The following CCDC91 variants were observed in gnomAD, a reference collection of about 807,000 sequenced individuals.
CCDC91 encodes the protein coiled-coil domain-containing protein 91.
A neutral mutation model predicts 63.2 loss-of-function variants in CCDC91; 48 were observed. The observed-to-expected ratio is 0.76, with a 90% CI of 0.60 to 0.97. The LOEUF is 0.97. Ranked by LOEUF, CCDC91 falls within the 50% of genes least tolerant of loss-of-function variation. The probability of loss-of-function intolerance (pLI) is 0.00; values close to 1 mark genes in which losing one functional copy is unlikely to be tolerated. For missense variants in CCDC91, 500 were observed against 494.6 expected (o/e 1.01, Z -0.10); for synonymous variants, 167 against 165.8 (o/e 1.01, Z -0.06).
intron 8 of CCDC91, among the ~76,000 whole-genome samples, chr12:28,401,425 C>T (rs905301543): frequency 2.6e-5 from 4 of 152,032 alleles, no homozygotes; most frequent in African/African-American, 9.7e-5. Context: ...CCATAAGGTA[C>T]CTCCCACGAC....
intron 8 of CCDC91, among the ~76,000 whole-genome samples, chr12:28,426,790 G>C (rs927203843): frequency 4.6e-5 from 7 of 151,956 alleles, no homozygotes; most frequent in African/African-American, 1.7e-4. Context: ...AAAAATGTTT[G>C]TCATATCCGA....
chr12:28,528,094 GC>G (rs886107414), intron 12 of CCDC91, among the ~76,000 whole-genome samples: 9 of 152,274 alleles, frequency 5.9e-5, no homozygotes, highest in Non-Finnish European at 1.0e-4. Flanking sequence ...CTGGATTCAT[GC>G]CCTCTTCAGA....
Position 28,515,202 on chromosome 12 carries a change from C to T in CCDC91, c.1215+31037C>T, listed in dbSNP as rs568663304. On this transcript the variant is annotated intron_variant, in intron 12 of 12. Coordinates refer to ENST00000536442, the MANE Select transcript of CCDC91 (RefSeq NM_018318.5). ...CAGTGGTTTCTAAGATTGCTGTTTT[C>T]TTATTTCTTATGGGGGACTTCGGCA... is the stretch of plus-strand genomic sequence containing the variant. 3.6e-4 allele frequency among the ~76,000 whole-genome samples: 54 copies of T among 151,792 alleles called. 1 individual carries two copies. Among genetic ancestry groups the T allele is most frequent in the African/African-American group, 1.3e-3 (52 of 41,480 alleles).
chr12:28,379,999 A>T (rs886645495), intron 7 of CCDC91, among the ~76,000 whole-genome samples: 5 of 152,216 alleles, frequency 3.3e-5, no homozygotes, highest in African/African-American at 1.2e-4. Context: ...GCAGCCATAA[A>T]AAAGGATGAG....
intron 10 of CCDC91, 84 bp from the exon 11 acceptor site, chr12:28,452,394 T>C (rs1416561777): frequency 1.2e-5 from 11 of 951,264 alleles, no homozygotes; most frequent in Non-Finnish European, 1.6e-5. Flanking sequence ...CAAAGTTTTT[T>C]ATCTTTTAGG....
intron 12 of CCDC91, among the ~76,000 whole-genome samples, chr12:28,522,537 T>C (rs1940811423): frequency 1.3e-5 from 2 of 152,302 alleles, no homozygotes; most frequent in East Asian, 3.9e-4. Flanking sequence ...CCTGGATGCA[T>C]TGATTTTTTG....
At position 28,304,633 on chromosome 12, in the gene CCDC91, T is replaced by C. The variant is rs1360018591; in HGVS notation, c.110-1016T>C. The C allele has an allele frequency of 4.7e-6, 6 of 1,264,490 alleles. No homozygotes were observed. In the Admixed American group the frequency reaches 1.0e-4, roughly 21 times the overall value. 78.3% of individuals were successfully genotyped at this position (1,264,490 alleles called of 1,614,324 possible). ...ATAAATGTCTTTCTTCAGGGAAACA[T>C]GCAATTTTCATTGTGAGCTGCCTTC... is the stretch of plus-strand genomic sequence containing the variant. On this transcript the variant is annotated intron_variant, in intron 3 of 12. Transcript: ENST00000536442.
At chr12:28,407,953 TA>T (rs1947058067) in intron 8 of CCDC91, among the ~76,000 whole-genome samples, 2 of 112,936 alleles carry the variant, frequency 1.8e-5, no homozygotes, top group South Asian at 6.5e-4. Context: ...GATATATACA[TA>T]TATATATATA....
rs116828690 is a variant in CCDC91 at position 28,532,198 on chromosome 12, C to G, written c.1216-16865C>G. On this transcript the variant is annotated intron_variant, in intron 12 of 12. Coordinates refer to ENST00000536442, the MANE Select transcript of CCDC91 (RefSeq NM_018318.5). ...AGAGCTAAATGAGCAAATGGAATAC[C>G]TTTATGAGATGAAGTAAAAAAGGTG... 2.6e-3 allele frequency among the ~76,000 whole-genome samples: 388 copies of G among 152,026 alleles called. 4 individuals are homozygous for G. The highest frequency in any genetic ancestry group is 8.9e-3 in the African/African-American group (367 of 41,468).
chr12:28,304,888 A>G (rs950213858), intron 3 of CCDC91, among the ~76,000 whole-genome samples: 4 of 152,108 alleles, frequency 2.6e-5, no homozygotes, highest in East Asian at 1.9e-4. Context: ...CTTTTGTCCT[A>G]TGTCATACTT....
chr12:28,339,242 G>A (rs1417855846), intron 6 of CCDC91, among the ~76,000 whole-genome samples: 1 of 152,156 alleles, frequency 6.6e-6, no homozygotes, highest in Non-Finnish European at 1.5e-5. Flanking sequence ...GGTCTGAAGA[G>A]CCTGAAAAAT....
At chr12:28,390,476 G>A (rs1312785482) in intron 7 of CCDC91, among the ~76,000 whole-genome samples, 3 of 152,020 alleles carry the variant, frequency 2.0e-5, no homozygotes, top group Non-Finnish European at 4.4e-5. Context: ...CTGAGAACTT[G>A]TTGATATAAC....
intron 12 of CCDC91, among the ~76,000 whole-genome samples, chr12:28,508,226 G>C (rs1938972234): frequency 6.6e-6 from 1 of 151,828 alleles, no homozygotes; most frequent in South Asian, 2.1e-4. Context: ...TAGTTTCTCT[G>C]GTCTTTTCTG....
intron 1 of CCDC91, among the ~76,000 whole-genome samples, chr12:28,246,771 G>A (rs569951188): frequency 2.6e-5 from 4 of 152,162 alleles, no homozygotes; most frequent in Non-Finnish European, 5.9e-5. Flanking sequence ...GAAAGGATGA[G>A]TGGGGAAATA....
chr12:28,445,627 C>T (rs1349281200), intron 8 of CCDC91, among the ~76,000 whole-genome samples: 1 of 152,184 alleles, frequency 6.6e-6, no homozygotes, highest in Non-Finnish European at 1.5e-5. Flanking sequence ...TCCTCTTGTG[C>T]ACTGTCTCAG....
At chr12:28,373,585 C>G (rs561366219) in intron 7 of CCDC91, among the ~76,000 whole-genome samples, 1 of 150,724 alleles carries the variant, frequency 6.6e-6, no homozygotes, top group East Asian at 2.0e-4. Flanking sequence ...CTCCTCGTAA[C>G]TGACATCTAT....
chr12:28,344,016 A>T (rs1261923032), intron 6 of CCDC91, among the ~76,000 whole-genome samples: 1 of 152,042 alleles, frequency 6.6e-6, no homozygotes, highest in African/African-American at 2.4e-5. Flanking sequence ...GTCACAAATA[A>T]TTTTTTCTGG....
intron 3 of CCDC91, among the ~76,000 whole-genome samples, chr12:28,264,654 A>G (rs1947071858): frequency 7.7e-6 from 1 of 130,506 alleles, no homozygotes; most frequent in Non-Finnish European, 1.6e-5. Context: ...CTCCAATGTA[A>G]ATTCTTTACC....
chr12:28,349,386 A>C (rs1047324054), intron 6 of CCDC91, among the ~76,000 whole-genome samples: 4 of 152,172 alleles, frequency 2.6e-5, no homozygotes, highest in Non-Finnish European at 4.4e-5. Context: ...TTGACTGTAT[A>C]GTTATAATGA....
Sources: allele counts gnomAD v4.1 joint callset (sites outside exome capture counted in the v4.1 genomes callset), GRCh38; gene constraint gnomAD v4.1.1; transcripts MANE v1.5; gene names NCBI Gene and HGNC (gene_info 2026-07-23, HGNC 2026-07-21).